The following POLR1D variants were observed in gnomAD, a reference collection of about 807,000 sequenced individuals.
POLR1D encodes DNA-directed RNA polymerases I and III subunit RPAC2.
A neutral mutation model predicts 10.8 loss-of-function variants in POLR1D; 8 were observed. The ratio of observed to expected loss-of-function variants is 0.74; its 90% CI spans 0.43 to 1.33. The LOEUF (loss-of-function observed/expected upper bound fraction) is 1.33. POLR1D is among the 40% of genes most tolerant of loss of function. The pLI, the probability that POLR1D is intolerant of heterozygous loss-of-function variation, is 0.01. For missense variants in POLR1D, 152 were observed against 161.7 expected (o/e 0.94, Z 0.32); for synonymous variants, 54 against 57.2 (o/e 0.94, Z 0.25).
chr13:27,624,441 G>A (rs1955987541), downstream of POLR1D, among the ~76,000 whole-genome samples: 2 of 152,112 alleles, frequency 1.3e-5, no homozygotes, highest in African/African-American at 4.8e-5. Flanking sequence ...TCTTACACTA[G>A]CGTGCCATAG....
chr13:27,622,682 G>A (rs142902167), intron 1 of POLR1D, among the ~76,000 whole-genome samples, 193 bp from the exon 2 acceptor site: 4 of 152,048 alleles, frequency 2.6e-5, no homozygotes, highest in Non-Finnish European at 5.9e-5. Context: ...AATGGAGCAG[G>A]GAAAAACTGG....
At chr13:27,657,056 G>A (rs961988212) in intron 2 of POLR1D, among the ~76,000 whole-genome samples, 3 of 152,198 alleles carry the variant, frequency 2.0e-5, no homozygotes, top group Non-Finnish European at 2.9e-5. Flanking sequence ...ATAAAGGTCT[G>A]TGAGAAGTTA....
chr13:27,628,674 T>G (rs1487509751), intron 1 of POLR1D, among the ~76,000 whole-genome samples: 1 of 152,246 alleles, frequency 6.6e-6, no homozygotes, highest in African/African-American at 2.4e-5. Flanking sequence ...TTATATCATC[T>G]GTTTTTAATC....
chr13:27,634,191 A>G (rs1450501643), intron 1 of POLR1D, among the ~76,000 whole-genome samples: 2 of 152,312 alleles, frequency 1.3e-5, no homozygotes, highest in Admixed American at 6.5e-5. Flanking sequence ...TTATATGGCA[A>G]AGATTGTACT....
chr13:27,624,166 C>T (rs1194302089), downstream of POLR1D, among the ~76,000 whole-genome samples: 4 of 152,280 alleles, frequency 2.6e-5, no homozygotes, highest in East Asian at 5.8e-4. Flanking sequence ...TTACTCCTGC[C>T]GTACTCTTAA....
At chr13:27,627,227 T>G (rs566739768), downstream of POLR1D, among the ~76,000 whole-genome samples, 1 of 152,198 alleles carries the variant, frequency 6.6e-6, no homozygotes, top group South Asian at 2.1e-4. Flanking sequence ...TTAATGTTGC[T>G]ATTTTCTTTT....
chr13:27,626,760 T>C (rs1593277758), downstream of POLR1D, among the ~76,000 whole-genome samples: 1 of 152,228 alleles, frequency 6.6e-6, no homozygotes, highest in East Asian at 1.9e-4. Context: ...GCTTTTAACA[T>C]GTAGTAATTC....
At chr13:27,655,154 T>A (rs1956297514) in intron 2 of POLR1D, among the ~76,000 whole-genome samples, 1 of 152,164 alleles carries the variant, frequency 6.6e-6, no homozygotes, top group Non-Finnish European at 1.5e-5. Flanking sequence ...ACATTCAAAA[T>A]CAATTCCTTA....
chr13:27,638,950 C>T (rs1956152032), intron 1 of POLR1D, among the ~76,000 whole-genome samples: 1 of 151,580 alleles, frequency 6.6e-6, no homozygotes, highest in African/African-American at 2.4e-5. Context: ...GTAATGTTTT[C>T]TTTTGTACAA....
chr13:27,642,661 A>G (rs1264404216), intron 1 of POLR1D, among the ~76,000 whole-genome samples: 1 of 152,184 alleles, frequency 6.6e-6, no homozygotes, highest in African/African-American at 2.4e-5. Flanking sequence ...TGTGCCAGGC[A>G]TAGAGAAAAC....
intron 1 of POLR1D, 90 bp from the exon 2 acceptor site, chr13:27,622,785 T>C (rs1955961353): frequency 2.6e-6 from 2 of 767,840 alleles, no homozygotes; most frequent in South Asian, 1.6e-5. Flanking sequence ...TTAATAATAA[T>C]GTGTTGCAAT....
chr13:27,660,936 CCCTGTTGGCTGGCGAT>C (rs1307871326), intron 2 of POLR1D: 1 of 152,156 alleles, frequency 6.6e-6, no homozygotes, highest in Non-Finnish European at 1.5e-5. Flanking sequence ...CTTCAACGTA[CCCTGTTGGCTGGCGAT>C]CCTGTGTCAC....
Position 27,622,973 on chromosome 13 carries a change from T to A in POLR1D, c.125T>A (p.Phe42Tyr). 13 of 1,613,978 alleles carry A rather than the reference T, an allele frequency of 8.1e-6. No homozygotes were observed. The highest frequency in any genetic ancestry group is 1.1e-5 in the South Asian group (1 of 91,076). The change falls in exon 2 of 2, where the codon TTT (phenylalanine) becomes TAT (tyrosine). Residue 42 changes from phenylalanine (F) to tyrosine (Y), a missense_variant. Phe to Tyr is a conservative substitution (Grantham distance 22). Coordinates refer to ENST00000302979, the MANE Select transcript of POLR1D (RefSeq NM_015972.4). Reference protein sequence around the residue: ...AAGTDRHCVTFVLHEEDHTLG... With the variant: ...AAGTDRHCVTYVLHEEDHTLG... ...GGAACAGATAGACACTGTGTGACATTTGTATTGCACGAGGAAGACCATACC... is the reference window on the plus strand; with the variant it reads ...GGAACAGATAGACACTGTGTGACATATGTATTGCACGAGGAAGACCATACC...
downstream of POLR1D, among the ~76,000 whole-genome samples, chr13:27,628,097 C>T (rs1956035777): frequency 6.6e-6 from 1 of 152,148 alleles, no homozygotes; most frequent in African/African-American, 2.4e-5. Flanking sequence ...TGGGTGCAAC[C>T]ACCCTTACCT....
intron 1 of POLR1D, chr13:27,622,290 C>CT (rs1955947918): frequency 7.2e-6 from 4 of 555,756 alleles, no homozygotes; most frequent in Non-Finnish European, 1.3e-5. Flanking sequence ...CGGGCCTCTG[C>CT]TCCTGAGGAC....
chr13:27,655,128 G>T (rs1054858022), intron 2 of POLR1D, among the ~76,000 whole-genome samples: 1 of 152,110 alleles, frequency 6.6e-6, no homozygotes, highest in Non-Finnish European at 1.5e-5. Flanking sequence ...ACCCATAGTG[G>T]TTTAGCACAA....
downstream of POLR1D, among the ~76,000 whole-genome samples, chr13:27,623,631 A>G (rs1484419125): frequency 3.4e-5 from 5 of 148,844 alleles, no homozygotes; most frequent in Non-Finnish European, 7.4e-5. Context: ...GGGGTAAGGG[A>G]AGAGACAAAA....
intron 1 of POLR1D, among the ~76,000 whole-genome samples, chr13:27,637,497 G>A (rs1283545770): frequency 1.3e-5 from 2 of 152,120 alleles, no homozygotes; most frequent in African/African-American, 2.4e-5. Context: ...GACCATCTAA[G>A]TTCATCACTT....
chr13:27,634,429 C>T (rs1384792120), intron 1 of POLR1D, among the ~76,000 whole-genome samples: 1 of 152,194 alleles, frequency 6.6e-6, no homozygotes, highest in African/African-American at 2.4e-5. Flanking sequence ...CATGAGGAAG[C>T]CAACTAGACT....
Sources: allele counts gnomAD v4.1 joint callset (sites outside exome capture counted in the v4.1 genomes callset), GRCh38; gene constraint gnomAD v4.1.1; transcripts MANE v1.5; gene names NCBI Gene and HGNC (gene_info 2026-07-23, HGNC 2026-07-21).